The following ANKRD17 variants were observed in gnomAD, a reference collection of about 807,000 sequenced individuals.
The protein encoded by ANKRD17 is ankyrin repeat domain 17.
ANKRD17 carries 19 observed loss-of-function variants against 229.7 expected under a neutral mutation model. The ratio of observed to expected loss-of-function variants is 0.08; its 90% CI spans 0.06 to 0.12. The LOEUF (loss-of-function observed/expected upper bound fraction) is 0.12. ANKRD17 is among the 10% of genes least tolerant of loss of function. ANKRD17 has a pLI of 1.00. For missense variants in ANKRD17, 2,176 were observed against 3,176.8 expected (o/e 0.68, Z 7.57); for synonymous variants, 1,112 against 1,146.1 (o/e 0.97, Z 0.60).
At chr4:73,109,500 G>GAT (rs949756445) in intron 24 of ANKRD17, among the ~76,000 whole-genome samples, 66 of 152,204 alleles carry the variant, frequency 4.3e-4, no homozygotes, top group African/African-American at 1.5e-3. Context: ...GTTTTCTTCT[G>GAT]ATAGTTCAAT....
chr4:73,142,612 AT>A (rs1188546768), intron 12 of ANKRD17, 27 bp downstream of exon 12: 39 of 1,613,734 alleles, frequency 2.4e-5, no homozygotes, highest in Non-Finnish European at 3.2e-5. Flanking sequence ...CTAATTCACA[AT>A]TCTGCACAAA....
intron 20 of ANKRD17, 140 bp from the exon 21 acceptor site, chr4:73,120,477 T>G: frequency 1.4e-6 from 1 of 739,018 alleles, no homozygotes; most frequent in Non-Finnish European, 2.2e-6. Flanking sequence ...TGACCCTTAT[T>G]AGCTCCTTTG....
chr4:73,131,239 T>C (rs1469825206), intron 16 of ANKRD17, among the ~76,000 whole-genome samples: 1 of 152,174 alleles, frequency 6.6e-6, no homozygotes, highest in Non-Finnish European at 1.5e-5. Flanking sequence ...TGAGTTCTAG[T>C]TGTGTAGCAG....
intron 19 of ANKRD17, 115 bp downstream of exon 19, chr4:73,121,502 T>A (rs1300211160): frequency 1.5e-6 from 2 of 1,294,248 alleles, no homozygotes; most frequent in African/African-American, 1.5e-5. Context: ...ACACTTTGAA[T>A]GCCAAATTTG....
intron 1 of ANKRD17, among the ~76,000 whole-genome samples, chr4:73,233,890 T>C (rs1253946061): frequency 2.6e-5 from 4 of 152,208 alleles, no homozygotes; most frequent in Non-Finnish European, 5.9e-5. Context: ...TCCCTCTCTC[T>C]GGCAATAATT....
At chr4:73,217,562 A>C (rs1008675271) in intron 1 of ANKRD17, among the ~76,000 whole-genome samples, 2 of 151,854 alleles carry the variant, frequency 1.3e-5, no homozygotes, top group East Asian at 3.9e-4. Context: ...GGGTCTCACT[A>C]TGTTGCTTAG....
intron 1 of ANKRD17, among the ~76,000 whole-genome samples, chr4:73,243,042 G>A (rs1293840092): frequency 6.6e-6 from 1 of 152,076 alleles, no homozygotes; most frequent in East Asian, 1.9e-4. Context: ...AAAACTAAAG[G>A]ATGAGAAAAA....
intron 22 of ANKRD17, among the ~76,000 whole-genome samples, chr4:73,117,844 C>T (rs995995385): frequency 2.0e-5 from 3 of 152,140 alleles, no homozygotes; most frequent in Non-Finnish European, 2.9e-5. Flanking sequence ...AATCAAATTA[C>T]TTACACACAG....
At chr4:73,124,318 A>G (rs1207642442) in intron 18 of ANKRD17, among the ~76,000 whole-genome samples, 3 of 133,708 alleles carry the variant, frequency 2.2e-5, no homozygotes, top group Non-Finnish European at 4.7e-5. Flanking sequence ...CTAGCTGATT[A>G]TAAAATGCCA....
intron 8 of ANKRD17, among the ~76,000 whole-genome samples, chr4:73,147,798 A>G (rs1402322210): frequency 1.3e-5 from 2 of 152,074 alleles, no homozygotes; most frequent in African/African-American, 4.8e-5. Context: ...ACATTCAATA[A>G]GCTCTATTTC....
At chr4:73,155,125 T>A (rs577160976) in intron 5 of ANKRD17, among the ~76,000 whole-genome samples, 3 of 152,152 alleles carry the variant, frequency 2.0e-5, no homozygotes, top group Admixed American at 2.0e-4. Flanking sequence ...TTTAGAATTT[T>A]TACACAAATC....
chr4:73,213,781 T>G (rs879321823), intron 1 of ANKRD17, among the ~76,000 whole-genome samples: 2 of 151,990 alleles, frequency 1.3e-5, no homozygotes, highest in Admixed American at 6.6e-5. Flanking sequence ...TGAAAAACCT[T>G]AGTTTTTAAA....
intron 1 of ANKRD17, among the ~76,000 whole-genome samples, chr4:73,251,983 T>C (rs954791920): frequency 1.3e-5 from 2 of 152,196 alleles, no homozygotes; most frequent in Non-Finnish European, 2.9e-5. Flanking sequence ...CTAAAAATAA[T>C]GGTTCAATTA....
chr4:73,130,607 T>C (rs951647568), intron 16 of ANKRD17, among the ~76,000 whole-genome samples: 10 of 138,934 alleles, frequency 7.2e-5, no homozygotes, highest in African/African-American at 3.2e-4. Flanking sequence ...TCTATAAAGA[T>C]CTATTTTTTT....
chr4:73,211,899 G>A (rs1740327527), intron 1 of ANKRD17, among the ~76,000 whole-genome samples: 2 of 151,190 alleles, frequency 1.3e-5, no homozygotes, highest in East Asian at 1.9e-4. Context: ...AGCAGAAGGG[G>A]TCTTAAGAGA....
At chr4:73,134,081 A>T (rs1182592792) in intron 16 of ANKRD17, among the ~76,000 whole-genome samples, 1 of 152,210 alleles carries the variant, frequency 6.6e-6, no homozygotes, top group East Asian at 1.9e-4. Flanking sequence ...GTCAGTACAT[A>T]AAAAACAACA....
In ANKRD17 at chr4:73,078,606, A is replaced by C. The variant is rs114562652; in HGVS notation, c.7408+36T>G. The C allele has an allele frequency of 5.9e-4, 944 of 1,591,020 alleles. 7 individuals carry two copies. The African/African-American group carries it at 0.012, about 20-fold the overall frequency. ...TGTTTACATTATAGTTAAATGCATT[A>C]AGTTAATTTCTAGAGAGCAGGACAG... On this transcript the variant is annotated intron_variant, in intron 31 of 33. Coordinates refer to ENST00000358602, the MANE Select transcript of ANKRD17 (RefSeq NM_032217.5).
At chr4:73,142,490 A>G (rs1729737270) in intron 12 of ANKRD17, 105 bp from the exon 13 acceptor site, 1 of 1,566,648 alleles carries the variant, frequency 6.4e-7, no homozygotes, top group African/African-American at 1.4e-5. Flanking sequence ...CATTAAAATC[A>G]TAGGTTTGGT....
intron 22 of ANKRD17, among the ~76,000 whole-genome samples, chr4:73,118,273 C>A (rs532655468): frequency 6.6e-6 from 1 of 152,086 alleles, no homozygotes; most frequent in African/African-American, 2.4e-5. Flanking sequence ...AGCCACCATG[C>A]GTGGCACAAC....
Sources: gnomAD v4.1 joint callset for allele counts (sites outside exome capture counted in the v4.1 genomes callset) on GRCh38, gnomAD v4.1.1 for gene constraint, MANE v1.5 for transcripts, NCBI Gene and HGNC (gene_info 2026-07-23, HGNC 2026-07-21) for gene names.